The following DNAI4 variants were observed in gnomAD, a reference collection of about 807,000 sequenced individuals.
The protein encoded by DNAI4 is WD repeat domain 78.
In DNAI4, 85 loss-of-function variants were observed where a neutral mutation model predicts 105.8. The ratio of observed to expected loss-of-function variants is 0.80; its 90% CI spans 0.67 to 0.96. DNAI4 has a LOEUF of 0.96. DNAI4 is among the 40% of genes least tolerant of loss of function. The pLI is 0.00. For synonymous variants in DNAI4, 352 were observed against 331.5 expected (o/e 1.06, Z -0.67); for missense variants, 1,014 against 1,005.6 (o/e 1.01, Z -0.11).
At chr1:66,913,294 T>C (rs1026990433) in intron 1 of DNAI4, among the ~76,000 whole-genome samples, 3 of 152,192 alleles carry the variant, frequency 2.0e-5, no homozygotes, top group Admixed American at 1.3e-4. Flanking sequence ...TTGTTGTTTG[T>C]TCTGGTTTGA....
chr1:66,840,570 C>A lies in DNAI4; in HGVS notation c.1393G>T (p.Glu465Ter). ...TCCAAGTTGGCGGGTATTGTTGATT[C>A]TTCTGCATGTATTTCTTCTTCCTCC... is the stretch of plus-strand genomic sequence containing the variant. Reference protein sequence around the residue: ...KEEEEEIHAEESTIPANLERL... With the variant: ...KEEEEEIHAE The change falls in exon 9 of 17, where the codon GAA becomes TAA. Residue 465 changes from glutamate (E) to a stop codon, truncating the protein, a stop_gained. Coordinates refer to ENST00000371026, the MANE Select transcript of DNAI4 (RefSeq NM_024763.5). LOFTEE classifies it high-confidence loss of function. 6.2e-7 allele frequency: 1 copy of A among 1,614,206 alleles called. No homozygotes were observed. Among genetic ancestry groups the A allele is most frequent in the Non-Finnish European group, 8.5e-7 (1 of 1,180,042 alleles).
At chr1:66,814,506 C>T (rs376046425) in intron 16 of DNAI4, among the ~76,000 whole-genome samples, 39 of 152,088 alleles carry the variant, frequency 2.6e-4, no homozygotes, top group African/African-American at 8.2e-4. Flanking sequence ...GTGGCTGGGA[C>T]TACAGGCACG....
intron 9 of DNAI4, 44 bp from the exon 10 acceptor site, chr1:66,837,840 T>C (rs1646063185): frequency 1.3e-6 from 2 of 1,508,406 alleles, no homozygotes; most frequent in Admixed American, 4.0e-5. Flanking sequence ...GAAGATAGCA[T>C]TAAAATATTG....
Position 66,892,995 on chromosome 1 carries a change from AAGAGAGAAAGAG to A in DNAI4, c.530+222_530+233del, listed in dbSNP as rs1281643238. Among the ~76,000 whole-genome samples the A allele has an allele frequency of 5.0e-4, 57 of 114,652 alleles. 1 individual carries two copies. The highest frequency in any genetic ancestry group is 1.8e-3 in the African/African-American group (45 of 25,490). The allele number at this position is 114,652 out of a possible 152,430, so 75.2% of individuals were successfully genotyped here. On this transcript the variant is annotated intron_variant, in intron 3 of 16. Transcript: ENST00000371026. ...AAAGAAAGAAAGAAAGAAAGAAAGA[AAGAGAGAAAGAG>A]AGAGAGGAAAGAAAGAAAGAAAGAG... is the stretch of plus-strand genomic sequence containing the variant.
At chr1:66,917,519 C>A (rs1035239938) in intron 1 of DNAI4, among the ~76,000 whole-genome samples, 4 of 152,188 alleles carry the variant, frequency 2.6e-5, no homozygotes, top group African/African-American at 7.2e-5. Flanking sequence ...GACTATCAAG[C>A]AGAACAGGAG....
At chr1:66,820,807 T>TC (rs397757712) in intron 16 of DNAI4, among the ~76,000 whole-genome samples, 4 of 150,670 alleles carry the variant, frequency 2.7e-5, no homozygotes, top group African/African-American at 9.8e-5. Context: ...AGCATTTTAT[T>TC]ATTTTATTTA....
chr1:66,834,022 T>C lies in DNAI4; in HGVS notation c.1860A>G (p.Lys620=). 1 of 1,608,596 alleles carries C rather than the reference T, an allele frequency of 6.2e-7. No individual in the cohort carries two copies. The highest frequency in any genetic ancestry group is 8.5e-7 in the Non-Finnish European group (1 of 1,178,368). Residue 620 remains lysine, a synonymous_variant, in exon 12 of 17, where the codon AAA becomes AAG. Coordinates refer to ENST00000371026, the MANE Select transcript of DNAI4 (RefSeq NM_024763.5). ...VSISADGRIS[K]WVIRKGLDCY... is the part of the protein sequence containing the mutation. ...AGTCTAGTCCTTTTCGTATAACCCA[T>C]TTGGAGATTCTTCCATCTGCTGATA...
chr1:66,840,404 T>A, intron 9 of DNAI4, 65 bp downstream of exon 9: 1 of 1,453,316 alleles, frequency 6.9e-7, no homozygotes, highest in Non-Finnish European at 9.6e-7. Context: ...AATTCTTCAT[T>A]ATTCGAACTT....
chr1:66,909,924 G>T lies in DNAI4; in HGVS notation c.171-4549C>A, dbSNP rs576190497. On this transcript the variant is annotated intron_variant, in intron 1 of 16. Coordinates refer to ENST00000371026, the MANE Select transcript of DNAI4 (RefSeq NM_024763.5). ...CCATTCATTTGTCACCACTCTTGTT[G>T]CTACCATCCTGGTCCAAACACTATC... Among the ~76,000 whole-genome samples, 58 of 152,218 alleles carry T rather than the reference G, an allele frequency of 3.8e-4. No individual in the cohort carries two copies. In the Middle Eastern group the frequency reaches 0.01, roughly 27 times the overall value.
In DNAI4 at chr1:66,833,614, G is replaced by A; in HGVS notation, c.1984C>T (p.Pro662Ser). Reference sequence around the variant, plus strand: ...GGATGAAAAGCAAAACACATTCCAGGAGCCTGTCGAGATATCAAAGCTTCA... The same window carrying A: ...GGATGAAAAGCAAAACACATTCCAGAAGCCTGTCGAGATATCAAAGCTTCA... ...KDEALISRQAPGMCFAFHPKD... is the reference protein window; with the variant it reads ...KDEALISRQASGMCFAFHPKD... Residue 662 changes from proline to serine, a missense_variant, in exon 13 of 17, where the codon CCT (proline) becomes TCT (serine). By Grantham distance (74) the Pro-to-Ser change is moderately conservative. Transcript: ENST00000371026. 6.2e-7 allele frequency: 1 copy of A among 1,613,274 alleles called. No homozygotes were observed. Among genetic ancestry groups the A allele is most frequent in the Non-Finnish European group, 8.5e-7 (1 of 1,179,542 alleles).
At chr1:66,861,914 A>G (rs1213908662) in intron 7 of DNAI4, among the ~76,000 whole-genome samples, 1 of 152,206 alleles carries the variant, frequency 6.6e-6, no homozygotes, top group Non-Finnish European at 1.5e-5. Flanking sequence ...AAGAGCAAGT[A>G]AAGGTGCACT....
Position 66,813,952 on chromosome 1 carries a change from G to C in DNAI4, c.*178C>G, listed in dbSNP as rs1159404319. ...CTGAAACTCTTAAGAATAACTCTTAGATTGTAAACTAATCAAATATCTCTG... is the reference window on the plus strand; with the variant it reads ...CTGAAACTCTTAAGAATAACTCTTACATTGTAAACTAATCAAATATCTCTG... On this transcript the variant is annotated 3_prime_UTR_variant, in exon 17 of 17. Transcript: ENST00000371026. The C allele has an allele frequency of 1.9e-6, 1 of 525,770 alleles. No homozygotes were observed. Among genetic ancestry groups the C allele is most frequent in the Non-Finnish European group, 3.3e-6 (1 of 305,436 alleles). 32.6% of individuals were successfully genotyped at this position (525,770 alleles called of 1,614,324 possible). A position where few individuals can be genotyped will look rare whatever the true frequency, so the allele number is the denominator to read the frequency against.
chr1:66,826,838 C>G lies in DNAI4; in HGVS notation c.2321G>C (p.Trp774Ser). 2 of 1,613,912 alleles carry G rather than the reference C, an allele frequency of 1.2e-6. No homozygotes were observed. Among genetic ancestry groups the G allele is most frequent in the South Asian group, 2.2e-5 (2 of 91,066 alleles). The change falls in exon 15 of 17, where the codon TGG becomes TCG. Residue 774 changes from tryptophan (W) to serine (S), a missense_variant. Physicochemically the swap from Trp to Ser is radical, Grantham distance 177. Transcript: ENST00000371026. ...AACTTACGTGCTGATATGAAGGTCC[C>G]AAATCTCCACCCTGTTCTCATTTGC... ...AAANENRVEI[W>S]DLHISTLDPL... is the part of the protein sequence containing the mutation.
rs1214070347 is a variant in DNAI4, at chr1:66,924,544, C to T, written c.170+118G>A. 6 of 1,388,054 alleles carry T rather than the reference C, an allele frequency of 4.3e-6. No homozygotes were observed. The African/African-American group carries it at 7.3e-5, about 17-fold the overall frequency. 86.0% of individuals were successfully genotyped at this position (1,388,054 alleles called of 1,614,324 possible). ...TGTGGCCTAGGAGCTTCAAGGTCTA[C>T]AGACTGAACCCAGTTAGGGTAGGGC... On this transcript the variant is annotated intron_variant, in intron 1 of 16. Coordinates refer to ENST00000371026, the MANE Select transcript of DNAI4 (RefSeq NM_024763.5).
At chr1:66,918,027 G>A (rs1650188792) in intron 1 of DNAI4, among the ~76,000 whole-genome samples, 1 of 152,216 alleles carries the variant, frequency 6.6e-6, no homozygotes, top group Non-Finnish European at 1.5e-5. Flanking sequence ...GGAACCTCAA[G>A]AGGAGAGGAA....
At chr1:66,922,960 T>C (rs1021009961) in intron 1 of DNAI4, among the ~76,000 whole-genome samples, 1 of 152,194 alleles carries the variant, frequency 6.6e-6, no homozygotes, top group Admixed American at 6.5e-5. Flanking sequence ...AAGAGGTTTA[T>C]GGACTAACCC....
intron 1 of DNAI4, among the ~76,000 whole-genome samples, chr1:66,905,814 A>G (rs1446582465): frequency 1.3e-5 from 2 of 152,220 alleles, no homozygotes; most frequent in Non-Finnish European, 2.9e-5. Flanking sequence ...TCCCTGGCAC[A>G]TAGTAAGCAC....
chr1:66,848,419 G>A, intron 7 of DNAI4: 1 of 363,638 alleles, frequency 2.7e-6, no homozygotes, highest in Non-Finnish European at 5.3e-6. Context: ...ATCACATCTG[G>A]AAAATCTCTT....
rs1407620878 is a variant in DNAI4 at position 66,893,241 on chromosome 1, C to A, written c.518G>T (p.Gly173Val). The A allele has an allele frequency of 6.3e-7, 1 of 1,578,042 alleles. No homozygotes were observed. The highest frequency in any genetic ancestry group is 1.7e-4 in the Middle Eastern group (1 of 5,940). ...YQNTINPSTL[G>V]QFTRSVLGSS... ...TAGTATACTCTACCTTGTAAACTGC[C>A]CTAACGTACTAGGATTTATTGTATT... Residue 173 changes from glycine to valine, a missense_variant, in exon 3 of 17, where the codon GGG (glycine) becomes GTG (valine). Gly to Val is a moderately radical substitution (Grantham distance 109, BLOSUM62 -3). Transcript: ENST00000371026.
Sources: gnomAD v4.1 joint callset for allele counts (sites outside exome capture counted in the v4.1 genomes callset) on GRCh38, gnomAD v4.1.1 for gene constraint, MANE v1.5 for transcripts, NCBI Gene and HGNC (gene_info 2026-07-23, HGNC 2026-07-21) for gene names.